The following SLC1A1 variants were observed in gnomAD, a reference collection of about 807,000 sequenced individuals.
The protein encoded by SLC1A1 is excitatory amino acid transporter 3.
Under a neutral mutation model 53.3 loss-of-function variants are expected in SLC1A1, and 43 were observed. The ratio of observed to expected loss-of-function variants is 0.81; its 90% CI spans 0.63 to 1.04. SLC1A1 has a LOEUF of 1.04. Ranked by LOEUF, SLC1A1 falls within the 50% of genes least tolerant of loss-of-function variation. The probability of loss-of-function intolerance (pLI) is 0.00; values close to 1 mark genes in which losing one functional copy is unlikely to be tolerated. For missense variants in SLC1A1, 748 were observed against 664.9 expected (o/e 1.12, Z -1.37); for synonymous variants, 307 against 243.2 (o/e 1.26, Z -2.44).
At chr9:4,574,754 C>A (rs770818626) in intron 8 of SLC1A1, among the ~76,000 whole-genome samples, 3 of 152,204 alleles carry the variant, frequency 2.0e-5, no homozygotes, top group Non-Finnish European at 2.9e-5. Context: ...AAATAAATAT[C>A]ATTGATTTGA....
chr9:4,537,664 C>G (rs991595420), intron 1 of SLC1A1, among the ~76,000 whole-genome samples: 8 of 151,126 alleles, frequency 5.3e-5, no homozygotes, highest in African/African-American at 1.9e-4. Flanking sequence ...TGAAATAAGC[C>G]AGATACAAAA....
chr9:4,539,882 T>G (rs1015056134), intron 1 of SLC1A1, among the ~76,000 whole-genome samples: 3 of 152,154 alleles, frequency 2.0e-5, no homozygotes, highest in Non-Finnish European at 4.4e-5. Context: ...ACCAACTTAC[T>G]TATATTTAGC....
rs1476570595 is a variant in SLC1A1, at chr9:4,576,577, C to T, written c.1007C>T (p.Thr336Ile). 2 of 1,613,842 alleles carry T rather than the reference C, an allele frequency of 1.2e-6. No individual in the cohort carries two copies. The highest frequency in any genetic ancestry group is 1.7e-6 in the Non-Finnish European group (2 of 1,179,686). Residue 336 changes from threonine to isoleucine, a missense_variant, in exon 10 of 12, where the codon ACA becomes ATA. Thr to Ile is a moderately conservative substitution (Grantham distance 89). Coordinates refer to ENST00000262352, the MANE Select transcript of SLC1A1 (RefSeq NM_004170.6). ...TALMISSSSA[T>I]LPVTFRCAEE... ...CTATTTTTATCACACAGTTCAGCAA[C>T]ACTGCCTGTCACCTTCCGCTGTGCT... is the stretch of plus-strand genomic sequence containing the variant.
At chr9:4,557,545 G>A (rs559736267) in intron 2 of SLC1A1, among the ~76,000 whole-genome samples, 2 of 152,116 alleles carry the variant, frequency 1.3e-5, no homozygotes, top group East Asian at 3.9e-4. Context: ...TAGCAATTTG[G>A]GAGGCCGAGG....
intron 1 of SLC1A1, among the ~76,000 whole-genome samples, chr9:4,528,806 C>T (rs572734264): frequency 6.6e-6 from 1 of 152,258 alleles, no homozygotes; most frequent in East Asian, 1.9e-4. Flanking sequence ...CTTTGTGACA[C>T]TGATACCCTT....
Position 4,561,515 on chromosome 9 carries a change from G to T in SLC1A1, c.299G>T (p.Cys100Phe), listed in dbSNP as rs1818938394. Residue 100 changes from cysteine (C) to phenylalanine (F), a missense_variant, in exon 3 of 12, where the codon TGT becomes TTT. Transcript: ENST00000262352. ...CTGCGCGCTGTCGTGTATTATTTCT[G>T]TACCACTCTCATTGCTGTTATTCTA... ...IGLRAVVYYF[C>F]TTLIAVILGI... The T allele has an allele frequency of 2.5e-6, 4 of 1,601,802 alleles. No homozygotes were observed. In the Admixed American group the frequency reaches 6.7e-5, roughly 27 times the overall value.
intron 2 of SLC1A1, among the ~76,000 whole-genome samples, chr9:4,555,373 G>T (rs1818277947): frequency 6.6e-6 from 1 of 152,176 alleles, no homozygotes; most frequent in Non-Finnish European, 1.5e-5. Flanking sequence ...TGTTCTCAGT[G>T]GGTGGTTGCT....
Position 4,566,081 on chromosome 9 carries a change from T to C in SLC1A1, c.475T>C (p.Phe159Leu). Reference sequence around the variant, plus strand: ...CCCTGAGAATCTTGTCCAGGCCTGTTTTCAGCAGGTAATATTAATTACTTG... The same window carrying C: ...CCCTGAGAATCTTGTCCAGGCCTGTCTTCAGCAGGTAATATTAATTACTTG... Reference protein sequence around the residue: ...MFPENLVQACFQQYKTKREEV... With the variant: ...MFPENLVQACLQQYKTKREEV... Residue 159 changes from phenylalanine (F) to leucine (L), a missense_variant, in exon 5 of 12, where the codon TTT becomes CTT. Physicochemically the swap from Phe to Leu is conservative, Grantham distance 22. Coordinates refer to ENST00000262352, the MANE Select transcript of SLC1A1 (RefSeq NM_004170.6). 6.2e-7 allele frequency: 1 copy of C among 1,612,586 alleles called. No individual in the cohort carries two copies. The highest frequency in any genetic ancestry group is 8.5e-7 in the Non-Finnish European group (1 of 1,178,630).
At chr9:4,537,100 G>A (rs1564015499) in intron 1 of SLC1A1, among the ~76,000 whole-genome samples, 3 of 151,918 alleles carry the variant, frequency 2.0e-5, no homozygotes, top group South Asian at 2.1e-4. Flanking sequence ...GTTAAATGAC[G>A]AGTTGATGGG....
At chr9:4,555,683 T>C (rs910750896) in intron 2 of SLC1A1, among the ~76,000 whole-genome samples, 4 of 152,190 alleles carry the variant, frequency 2.6e-5, no homozygotes, top group African/African-American at 9.7e-5. Flanking sequence ...CAGGTTCTAA[T>C]GGATAACCCT....
At chr9:4,531,600 T>G (rs1316983214) in intron 1 of SLC1A1, among the ~76,000 whole-genome samples, 1 of 152,190 alleles carries the variant, frequency 6.6e-6, no homozygotes, top group East Asian at 1.9e-4. Flanking sequence ...CAAGGAGGCC[T>G]GCCTGCCTCT....
intron 2 of SLC1A1, among the ~76,000 whole-genome samples, chr9:4,551,559 T>C (rs1283181218): frequency 6.6e-6 from 1 of 152,250 alleles, no homozygotes; most frequent in African/African-American, 2.4e-5. Flanking sequence ...CATAGGTGGC[T>C]AAGAGCATTT....
rs1376657517 is a variant in SLC1A1 at position 4,566,027 on chromosome 9, G to A, written c.441-20G>A. On this transcript the variant is annotated intron_variant, in intron 4 of 11. Transcript: ENST00000262352. ...ATACTTTTTGCCCTAACATAATACT[G>A]CCTTTTATGTCTCCAACAGGAATAT... The A allele has an allele frequency of 6.2e-7, 1 of 1,603,334 alleles. No homozygotes were observed. The highest frequency in any genetic ancestry group is 2.2e-5 in the East Asian group (1 of 44,838).
Position 4,490,502 on chromosome 9 carries a change from G to T in SLC1A1, c.-178G>T, listed in dbSNP as rs1340406963. The T allele has an allele frequency of 2.5e-6, 1 of 395,746 alleles. No homozygotes were observed. The highest frequency in any genetic ancestry group is 4.5e-6 in the Non-Finnish European group (1 of 222,920). 24.5% of individuals were successfully genotyped at this position (395,746 alleles called of 1,614,324 possible). A position where few individuals can be genotyped will look rare whatever the true frequency, so the allele number is the denominator to read the frequency against. On this transcript the variant is annotated 5_prime_UTR_variant, in exon 1 of 12. Transcript: ENST00000262352. The stretch of plus-strand genomic sequence containing the variant: ...CCGGGCTGGCAGGGCGGCGGGCGCG[G>T]TGCGCGATCCCGGGTGGCGGCGGCA...
At chr9:4,535,010 C>T (rs1456689525) in intron 1 of SLC1A1, among the ~76,000 whole-genome samples, 1 of 152,104 alleles carries the variant, frequency 6.6e-6, no homozygotes, top group African/African-American at 2.4e-5. Context: ...TTCAACAACC[C>T]TTCATTCTAA....
At chr9:4,522,214 G>T (rs1259611501) in intron 1 of SLC1A1, among the ~76,000 whole-genome samples, 2 of 151,742 alleles carry the variant, frequency 1.3e-5, no homozygotes. Flanking sequence ...ACCACGCCCG[G>T]CTAATTTTTT....
intron 1 of SLC1A1, among the ~76,000 whole-genome samples, chr9:4,510,022 T>C (rs951154842): frequency 2.6e-5 from 4 of 151,974 alleles, no homozygotes; most frequent in African/African-American, 9.7e-5. Flanking sequence ...TTAGTAGAAA[T>C]GGGGTTTTGC....
intron 10 of SLC1A1, among the ~76,000 whole-genome samples, chr9:4,582,248 G>C (rs754950340): frequency 6.6e-6 from 1 of 152,200 alleles, no homozygotes; most frequent in African/African-American, 2.4e-5. Flanking sequence ...CTTACCAAGA[G>C]GGATCTTTTT....
At chr9:4,540,759 C>G (rs559049197) in intron 1 of SLC1A1, among the ~76,000 whole-genome samples, 1 of 152,192 alleles carries the variant, frequency 6.6e-6, no homozygotes. Flanking sequence ...CCACCTGCAA[C>G]GGTGTCAGGG....
Sources: gnomAD v4.1 joint callset for allele counts (sites outside exome capture counted in the v4.1 genomes callset) on GRCh38, gnomAD v4.1.1 for gene constraint, MANE v1.5 for transcripts, NCBI Gene and HGNC (gene_info 2026-07-23, HGNC 2026-07-21) for gene names.